Variants in SKAP2 observed in about 807,000 individuals in gnomAD.
SKAP2 encodes the protein src kinase associated phosphoprotein 2.
SKAP2 carries 28 observed loss-of-function variants against 54.9 expected under a neutral mutation model. That is an observed-to-expected ratio of 0.51 (90% CI 0.38 to 0.70). The LOEUF (loss-of-function observed/expected upper bound fraction) is 0.70, where lower values mean the gene tolerates loss of function less well. Ranked by LOEUF, SKAP2 falls within the 30% of genes least tolerant of loss-of-function variation. The pLI is 0.00. For synonymous variants in SKAP2, 137 were observed against 134.3 expected (o/e 1.02, Z -0.14); for missense variants, 356 against 424.1 (o/e 0.84, Z 1.41).
intron 4 of SKAP2, among the ~76,000 whole-genome samples, chr7:26,776,204 A>T (rs1369589612): frequency 1.3e-5 from 2 of 152,014 alleles, no homozygotes; most frequent in Non-Finnish European, 2.9e-5. Context: ...TATGCCCCTT[A>T]TCCCCGTCCT....
intron 3 of SKAP2, among the ~76,000 whole-genome samples, chr7:26,850,080 A>T (rs1785007381): frequency 6.6e-6 from 1 of 152,212 alleles, no homozygotes; most frequent in Non-Finnish European, 1.5e-5. Flanking sequence ...CTTATTAGTC[A>T]ATAACAGTAT....
chr7:26,787,175 C>CTGGT (rs1783565111), intron 4 of SKAP2, among the ~76,000 whole-genome samples: 8 of 152,258 alleles, frequency 5.3e-5, no homozygotes, highest in African/African-American at 1.9e-4. Flanking sequence ...CTTTTAACCA[C>CTGGT]CAGTATTAGG....
At chr7:26,793,417 C>A (rs775244409) in intron 4 of SKAP2, among the ~76,000 whole-genome samples, 5 of 152,192 alleles carry the variant, frequency 3.3e-5, no homozygotes, top group South Asian at 2.1e-4. Context: ...CACTTCACCA[C>A]CACAGTTTGT....
chr7:26,822,170 A>G (rs190242389), intron 4 of SKAP2, among the ~76,000 whole-genome samples: 74 of 152,300 alleles, frequency 4.9e-4, no homozygotes, highest in Non-Finnish European at 7.6e-4. Flanking sequence ...ATCTGTATTT[A>G]TACAAACATA....
At chr7:26,835,155 C>CA (rs922914190) in intron 4 of SKAP2, among the ~76,000 whole-genome samples, 3 of 151,980 alleles carry the variant, frequency 2.0e-5, no homozygotes, top group Non-Finnish European at 4.4e-5. Flanking sequence ...GCCCTTCATG[C>CA]AAAAAACTCT....
chr7:26,780,298 T>A (rs10085721), intron 4 of SKAP2, among the ~76,000 whole-genome samples: 45,512 of 151,994 alleles, frequency 0.3, 7,122 homozygotes, highest in Middle Eastern at 0.37. Flanking sequence ...TGTGGTAAAG[T>A]TGTTTTATTC....
chr7:26,684,913 A>G (rs1048920876), intron 10 of SKAP2, 65 bp from the exon 11 acceptor site: 1 of 913,364 alleles, frequency 1.1e-6, no homozygotes, highest in Admixed American at 2.1e-5. Context: ...TTTCAAAATT[A>G]ACCAGTAGAA....
intron 4 of SKAP2, among the ~76,000 whole-genome samples, chr7:26,768,673 C>T (rs1329069108): frequency 2.6e-5 from 4 of 152,226 alleles, no homozygotes; most frequent in Admixed American, 6.5e-5. Context: ...AATCTCTCAG[C>T]ATTTGCTTGT....
At chr7:26,738,762 ATAG>A in intron 6 of SKAP2, 30 bp downstream of exon 6, 1 of 1,286,828 alleles carries the variant, frequency 7.8e-7, no homozygotes, top group Non-Finnish European at 1.1e-6. Context: ...TTCTTTTGCA[ATAG>A]TAGTTGATAT....
At chr7:26,855,389 T>A (rs75861739) in intron 1 of SKAP2, among the ~76,000 whole-genome samples, 72 of 152,188 alleles carry the variant, frequency 4.7e-4, no homozygotes, top group African/African-American at 1.7e-3. Flanking sequence ...CATGTAATGC[T>A]TTAAAGGAAA....
intron 4 of SKAP2, among the ~76,000 whole-genome samples, chr7:26,830,520 C>T (rs1784575952): frequency 6.6e-6 from 1 of 152,042 alleles, no homozygotes. Context: ...TCAATAAATG[C>T]ATGTCTTCTC....
At chr7:26,726,238 T>C (rs938778890) in intron 7 of SKAP2, among the ~76,000 whole-genome samples, 1 of 152,162 alleles carries the variant, frequency 6.6e-6, no homozygotes, top group African/African-American at 2.4e-5. Context: ...CTTTCATCAA[T>C]GTCAAAGACA....
At chr7:26,729,639 TAAC>T (rs1787780155) in intron 6 of SKAP2, among the ~76,000 whole-genome samples, 1 of 151,984 alleles carries the variant, frequency 6.6e-6, no homozygotes, top group African/African-American at 2.4e-5. Context: ...AAAGTAGAAC[TAAC>T]ATTGTGGAAA....
chr7:26,780,763 A>T (rs1783408084), intron 4 of SKAP2, among the ~76,000 whole-genome samples: 1 of 152,152 alleles, frequency 6.6e-6, no homozygotes, highest in South Asian at 2.1e-4. Context: ...AATTGTGATC[A>T]GCTTTCCCAA....
Position 26,864,582 on chromosome 7 carries a change from A to T in SKAP2, c.-153T>A. ...ACACTGCCGGGCCGGGGCTCACAACAAGGAAGTCACTGAATCTCCAGCGAG... is the reference window on the plus strand; with the variant it reads ...ACACTGCCGGGCCGGGGCTCACAACTAGGAAGTCACTGAATCTCCAGCGAG... On this transcript the variant is annotated 5_prime_UTR_variant, in exon 1 of 13. Transcript: ENST00000345317. 2 of 1,407,552 alleles carry T rather than the reference A, an allele frequency of 1.4e-6. No homozygotes were observed. The highest frequency in any genetic ancestry group is 1.8e-6 in the Non-Finnish European group (2 of 1,082,336). 87.2% of individuals were successfully genotyped at this position (1,407,552 alleles called of 1,614,324 possible). A position where few individuals can be genotyped will look rare whatever the true frequency, so the allele number is the denominator to read the frequency against.
chr7:26,755,892 T>C (rs962976639), intron 4 of SKAP2, among the ~76,000 whole-genome samples: 5 of 152,150 alleles, frequency 3.3e-5, no homozygotes, highest in Non-Finnish European at 7.4e-5. Flanking sequence ...GGATGAAAAT[T>C]TGACAATACC....
At chr7:26,671,275 A>T (rs1258228039) in intron 11 of SKAP2, among the ~76,000 whole-genome samples, 2 of 152,126 alleles carry the variant, frequency 1.3e-5, no homozygotes, top group African/African-American at 4.8e-5. Context: ...ATATAAGATA[A>T]ATTTTCAAAA....
chr7:26,727,042 TAAGTATTAATGCTC>T, intron 6 of SKAP2, 36 bp from the exon 7 acceptor site: 1 of 1,517,426 alleles, frequency 6.6e-7, no homozygotes, highest in Non-Finnish European at 8.9e-7. Flanking sequence ...TTTCATTTAC[TAAGTATTAATGCTC>T]AATTATCTTT....
rs182141951 is a variant in SKAP2 at position 26,811,608 on chromosome 7, G to A, written c.307+32422C>T. 4.7e-4 allele frequency among the ~76,000 whole-genome samples: 71 copies of A among 152,260 alleles called. No homozygotes were observed. In the Middle Eastern group the frequency reaches 0.01, roughly 22 times the overall value. On this transcript the variant is annotated intron_variant, in intron 4 of 12. Coordinates refer to ENST00000345317, the MANE Select transcript of SKAP2 (RefSeq NM_003930.5). The stretch of plus-strand genomic sequence containing the variant: ...ACTTTTTATATTTGCAATGGGAGAT[G>A]GAGGGAAGAAACTAGTCAGTAATAA...
Sources: allele counts gnomAD v4.1 joint callset (sites outside exome capture counted in the v4.1 genomes callset), GRCh38; gene constraint gnomAD v4.1.1; transcripts MANE v1.5; gene names NCBI Gene and HGNC (gene_info 2026-07-23, HGNC 2026-07-21).